Variants in UNC13A observed in about 807,000 individuals in gnomAD.
The protein encoded by UNC13A is protein unc-13 homolog A.
UNC13A carries 61 observed loss-of-function variants against 219.7 expected under a neutral mutation model. The observed-to-expected ratio is 0.28, with a 90% CI of 0.23 to 0.34. The LOEUF is 0.34. UNC13A is among the 10% of genes least tolerant of loss of function. The pLI is 1.00. For missense variants in UNC13A, 1,476 were observed against 2,270.3 expected (o/e 0.65, Z 7.11); for synonymous variants, 920 against 884.6 (o/e 1.04, Z -0.71).
At chr19:17,629,414 T>G in intron 30 of UNC13A, 91 bp from the exon 31 acceptor site, 1 of 1,210,168 alleles carries the variant, frequency 8.3e-7, no homozygotes, top group Non-Finnish European at 1.2e-6. Flanking sequence ...AGATCAGTGA[T>G]GAACCCAAAC....
In UNC13A at chr19:17,625,440, G is replaced by C. The variant is rs536561522; in HGVS notation, c.4074-488C>G. On this transcript the variant is annotated intron_variant, in intron 34 of 43. Coordinates refer to ENST00000519716, the MANE Select transcript of UNC13A (RefSeq NM_001080421.3). Reference sequence around the variant, plus strand: ...GGATAGGGGTTGAAGGAGACAGGCAGTCCACCAAGATCCATCCACCAACTG... The same window carrying C: ...GGATAGGGGTTGAAGGAGACAGGCACTCCACCAAGATCCATCCACCAACTG... Among the ~76,000 whole-genome samples the C allele has an allele frequency of 3.9e-5, 6 of 152,158 alleles. No homozygotes were observed. In the South Asian group the frequency reaches 1.2e-3, roughly 32 times the overall value.
chr19:17,661,561 G>A (rs2079551496), intron 8 of UNC13A, among the ~76,000 whole-genome samples: 1 of 151,870 alleles, frequency 6.6e-6, no homozygotes, highest in Non-Finnish European at 1.5e-5. Flanking sequence ...AGGCATAGTG[G>A]CGTGCACCTG....
intron 41 of UNC13A, chr19:17,616,443 C>G: frequency 3.0e-6 from 2 of 671,456 alleles, no homozygotes; most frequent in Middle Eastern, 4.8e-4. Flanking sequence ...AAGGGTAAAC[C>G]TAGTACCTTT....
In UNC13A at chr19:17,649,193, C is replaced by G. The variant is rs560461329; in HGVS notation, c.1524+146G>C. On this transcript the variant is annotated intron_variant, in intron 14 of 43. Coordinates refer to ENST00000519716, the MANE Select transcript of UNC13A (RefSeq NM_001080421.3). This position sits in a 1 kb window ranked among gnomAD's most constrained non-coding sequence, Gnocchi z 4.4. Reference sequence around the variant, plus strand: ...GTTAGAAGGGACCCTGGAAAGTGAGCAGCCCCGCACCCCTGACTCACAGCA... The same window carrying G: ...GTTAGAAGGGACCCTGGAAAGTGAGGAGCCCCGCACCCCTGACTCACAGCA... The G allele has an allele frequency of 3.8e-5, 50 of 1,332,148 alleles. No individual in the cohort carries two copies. The East Asian group carries it at 1.2e-3, about 31-fold the overall frequency. The allele number at this position is 1,332,148 out of a possible 1,614,324, so 82.5% of individuals were successfully genotyped here.
chr19:17,613,550 A>T lies in UNC13A; in HGVS notation c.4559-1695T>A, dbSNP rs149013856. On this transcript the variant is annotated intron_variant, in intron 41 of 43. Coordinates refer to ENST00000519716, the MANE Select transcript of UNC13A (RefSeq NM_001080421.3). ...ACTATTACCTCTCCCCACTCACCCCATTCTTGCCCTTGTTAACTCTGACCC... is the reference window on the plus strand; with the variant it reads ...ACTATTACCTCTCCCCACTCACCCCTTTCTTGCCCTTGTTAACTCTGACCC... 7.9e-5 allele frequency among the ~76,000 whole-genome samples: 12 copies of T among 151,844 alleles called. No homozygotes were observed. In the Middle Eastern group the frequency reaches 0.01, roughly 129 times the overall value.
At chr19:17,666,599 G>A in intron 7 of UNC13A, 51 bp downstream of exon 7, 2 of 1,373,602 alleles carry the variant, frequency 1.5e-6, no homozygotes, top group South Asian at 1.7e-5. Flanking sequence ...TGGGGTAGGG[G>A]AGGGATGAGG....
intron 27 of UNC13A, 97 bp downstream of exon 27, chr19:17,633,011 A>T: frequency 6.2e-7 from 1 of 1,607,698 alleles, no homozygotes; most frequent in Non-Finnish European, 8.5e-7. Context: ...CAACTCAGGC[A>T]TGAGGGTATT....
At chr19:17,670,961 A>C (rs2079776566) in intron 4 of UNC13A, among the ~76,000 whole-genome samples, 1 of 147,312 alleles carries the variant, frequency 6.8e-6, no homozygotes, top group South Asian at 2.1e-4. Context: ...AATAAAATAA[A>C]ATGACAAAAA....
At chr19:17,629,362 G>C in intron 30 of UNC13A, 39 bp from the exon 31 acceptor site, 1 of 1,569,840 alleles carries the variant, frequency 6.4e-7, no homozygotes, top group Non-Finnish European at 8.7e-7. Context: ...GGAGAGGCTG[G>C]CACCAAGGCA....
chr19:17,609,091 G>A (rs1237066230), intron 43 of UNC13A, among the ~76,000 whole-genome samples: 2 of 148,794 alleles, frequency 1.3e-5, no homozygotes, highest in African/African-American at 5.0e-5. Flanking sequence ...CCGAGTAGCT[G>A]GGATCACAGG....
Position 17,688,148 on chromosome 19 carries a change from G to T in UNC13A, c.22+30C>A, listed in dbSNP as rs1250017007. On this transcript the variant is annotated intron_variant, in intron 1 of 43. Coordinates refer to ENST00000519716, the MANE Select transcript of UNC13A (RefSeq NM_001080421.3). ...CCCGACCCCAGCCCGCGTCCACACGGGTCCCCCGACCCCCAGCCTCGCCTC... is the reference window on the plus strand; with the variant it reads ...CCCGACCCCAGCCCGCGTCCACACGTGTCCCCCGACCCCCAGCCTCGCCTC... 2.6e-6 allele frequency: 4 copies of T among 1,526,432 alleles called. No homozygotes were observed. The African/African-American group carries it at 5.7e-5, about 22-fold the overall frequency. 94.6% of individuals were successfully genotyped at this position (1,526,432 alleles called of 1,614,324 possible).
At chr19:17,685,571 T>C (rs985905474) in intron 1 of UNC13A, among the ~76,000 whole-genome samples, 18 of 152,176 alleles carry the variant, frequency 1.2e-4, no homozygotes, top group Admixed American at 7.9e-4. Flanking sequence ...TCTATATGCG[T>C]GCTGGCAGAC....
chr19:17,610,013 C>A lies in UNC13A; in HGVS notation c.4738G>T (p.Asp1580Tyr), dbSNP rs770973163. The A allele has an allele frequency of 6.2e-7, 1 of 1,613,916 alleles. No individual in the cohort carries two copies. Among genetic ancestry groups the A allele is most frequent in the African/African-American group, 1.3e-5 (1 of 74,936 alleles). ...TTGGTCGCAAACTTGCGTTTCTTGT[C>A]GCTGAGCTGGGGCCCAATGATGTTG... ...EVNIIGPQLS[D>Y]KKRKFATKSK... The change falls in exon 43 of 44, where the codon GAC (aspartate) becomes TAC (tyrosine). Residue 1580 changes from aspartate (D) to tyrosine (Y), a missense_variant. Physicochemically the swap from Asp to Tyr is radical, Grantham distance 160 (BLOSUM62 -3). This residue lies in a region of UNC13A where 5 missense variants were observed against 28.8 expected (regional missense o/e 0.17). Transcript: ENST00000519716.
intron 8 of UNC13A, among the ~76,000 whole-genome samples, chr19:17,659,613 T>C (rs894573609): frequency 1.3e-5 from 2 of 151,626 alleles, no homozygotes; most frequent in Non-Finnish European, 2.9e-5. Context: ...TTAAAAAAAT[T>C]TAAAAATTAG....
At chr19:17,633,803 A>C (rs896852644) in intron 26 of UNC13A, among the ~76,000 whole-genome samples, 1 of 151,376 alleles carries the variant, frequency 6.6e-6, no homozygotes, top group East Asian at 1.9e-4. Context: ...TCAACCACCC[A>C]TCTATCTGTT....
At chr19:17,621,167 T>G (rs1483641703) in intron 37 of UNC13A, among the ~76,000 whole-genome samples, 1 of 151,974 alleles carries the variant, frequency 6.6e-6, no homozygotes, top group Non-Finnish European at 1.5e-5. Context: ...ATACGTGCAC[T>G]CCTAAACACT....
intron 1 of UNC13A, among the ~76,000 whole-genome samples, chr19:17,685,169 A>G (rs2080085586): frequency 6.6e-6 from 1 of 151,968 alleles, no homozygotes; most frequent in Non-Finnish European, 1.5e-5. Flanking sequence ...ATGTATGGGT[A>G]CATGTCTGAG....
At chr19:17,609,385 C>T (rs966579798) in intron 43 of UNC13A, among the ~76,000 whole-genome samples, 9 of 151,978 alleles carry the variant, frequency 5.9e-5, no homozygotes, top group African/African-American at 2.2e-4. Flanking sequence ...GACCCCACCT[C>T]CACCCCACGT....
Position 17,641,633 on chromosome 19 carries a change from G to C in UNC13A, c.2473-77C>G. ...GTCAGAGGTCCCAGGGTCTGGGGCA[G>C]CTTACATCATCCATCTGCCTGTTTA... On this transcript the variant is annotated intron_variant, in intron 20 of 43. Transcript: ENST00000519716. 5 of 1,434,150 alleles carry C rather than the reference G, an allele frequency of 3.5e-6. No homozygotes were observed. In the South Asian group the frequency reaches 6.4e-5, roughly 18 times the overall value. 88.8% of individuals were successfully genotyped at this position (1,434,150 alleles called of 1,614,324 possible). A position where few individuals can be genotyped will look rare whatever the true frequency, so the allele number is the denominator to read the frequency against.
Sources: gnomAD v4.1 joint callset for allele counts (sites outside exome capture counted in the v4.1 genomes callset) on GRCh38, gnomAD v4.1.1 for gene constraint, gnomAD v4.1.1 regional missense constraint, Gnocchi (gnomAD v3.1) non-coding constraint, MANE v1.5 for transcripts, NCBI Gene and HGNC (gene_info 2026-07-23, HGNC 2026-07-21) for gene names.